RSPRY1: variants seen among roughly 807,000 people sequenced by gnomAD.
RSPRY1 encodes RING finger and SPRY domain-containing protein 1.
A neutral mutation model predicts 73.1 loss-of-function variants in RSPRY1; 23 were observed. The ratio of observed to expected loss-of-function variants is 0.31; its 90% CI spans 0.23 to 0.45. RSPRY1 has a LOEUF of 0.45. RSPRY1 is among the 20% of genes least tolerant of loss of function. The pLI is 1.00. For missense variants in RSPRY1, 448 were observed against 698.7 expected (o/e 0.64, Z 4.05); for synonymous variants, 226 against 251.4 (o/e 0.90, Z 0.95).
intron 10 of RSPRY1, among the ~76,000 whole-genome samples, chr16:57,225,275 G>T (rs2075103315): frequency 1.3e-5 from 2 of 152,170 alleles, no homozygotes; most frequent in Admixed American, 1.3e-4. Context: ...TGGCCAGGCT[G>T]GTCTCAAATG....
At chr16:57,232,194 T>C (rs1356942584) in intron 13 of RSPRY1, among the ~76,000 whole-genome samples, 6 of 152,162 alleles carry the variant, frequency 3.9e-5, no homozygotes, top group Non-Finnish European at 8.8e-5. Context: ...CCTGAAGATA[T>C]CTGTAACGTA....
intron 1 of RSPRY1, among the ~76,000 whole-genome samples, chr16:57,201,750 A>G (rs2074614876): frequency 6.6e-6 from 1 of 152,194 alleles, no homozygotes; most frequent in South Asian, 2.1e-4. Context: ...CGCGGTTAGG[A>G]GCTGGAGACC....
intron 1 of RSPRY1, among the ~76,000 whole-genome samples, chr16:57,199,415 G>T (rs1393049520): frequency 1.3e-5 from 2 of 152,042 alleles, no homozygotes; most frequent in African/African-American, 4.8e-5. Context: ...TCACTTGAAC[G>T]TGGGAGGCAG....
At chr16:57,223,091 T>G (rs1597912849) in intron 10 of RSPRY1, among the ~76,000 whole-genome samples, 1 of 152,220 alleles carries the variant, frequency 6.6e-6, no homozygotes, top group Admixed American at 6.5e-5. Context: ...TATTAGAAAT[T>G]GATAAAGTCT....
At chr16:57,197,692 T>A (rs2074475819) in intron 1 of RSPRY1, among the ~76,000 whole-genome samples, 1 of 152,150 alleles carries the variant, frequency 6.6e-6, no homozygotes, top group South Asian at 2.1e-4. Flanking sequence ...CTTACCTTCG[T>A]ATTTAGTCAG....
intron 7 of RSPRY1, 41 bp from the exon 8 acceptor site, chr16:57,216,863 C>T: frequency 6.3e-7 from 1 of 1,591,362 alleles, no homozygotes; most frequent in Non-Finnish European, 8.6e-7. Flanking sequence ...AATCATTCTA[C>T]CCTTTCATTG....
intron 1 of RSPRY1, among the ~76,000 whole-genome samples, chr16:57,191,223 C>G (rs1456751561): frequency 6.6e-6 from 1 of 152,192 alleles, no homozygotes; most frequent in Admixed American, 6.5e-5. Flanking sequence ...CAGTGATTCT[C>G]AAGATGTGGT....
intron 1 of RSPRY1, among the ~76,000 whole-genome samples, chr16:57,187,696 A>G (rs1458218168): frequency 6.6e-6 from 1 of 152,216 alleles, no homozygotes; most frequent in Non-Finnish European, 1.5e-5. Context: ...TGGGATTAAT[A>G]CAGTCGTTGT....
rs534483197 is a variant in RSPRY1 at position 57,213,255 on chromosome 16, G to T, written c.643+157G>T. 4.6e-5 allele frequency among the ~76,000 whole-genome samples: 7 copies of T among 152,210 alleles called. No individual in the cohort carries two copies. The South Asian group carries it at 6.2e-4, about 14-fold the overall frequency. ...CTAACTGGAAGAAAATTACTGAAAG[G>T]CTACAGAGGTGAATGCAATTTAATT... On this transcript the variant is annotated intron_variant, in intron 5 of 14. Transcript: ENST00000394420.
intron 11 of RSPRY1, 77 bp downstream of exon 11, chr16:57,227,530 C>A (rs2146351691): frequency 1.0e-6 from 1 of 996,576 alleles, no homozygotes; most frequent in East Asian, 2.4e-5. Flanking sequence ...TTACATTAAG[C>A]CTTAAAATGT....
At chr16:57,206,876 T>A (rs867946415) in intron 2 of RSPRY1, among the ~76,000 whole-genome samples, 1 of 152,336 alleles carries the variant, frequency 6.6e-6, no homozygotes, top group African/African-American at 2.4e-5. Context: ...CTTGCAATAT[T>A]TTAAAAGAGA....
Position 57,227,598 on chromosome 16 carries a change from A to G in RSPRY1, c.1273+145A>G, listed in dbSNP as rs1006211989. The G allele has an allele frequency of 4.8e-6, 3 of 629,264 alleles. No individual in the cohort carries two copies. The African/African-American group carries it at 5.4e-5, about 11-fold the overall frequency. 39.0% of individuals were successfully genotyped at this position (629,264 alleles called of 1,614,324 possible). A position where few individuals can be genotyped will look rare whatever the true frequency, so the allele number is the denominator to read the frequency against. On this transcript the variant is annotated intron_variant, in intron 11 of 14. Coordinates refer to ENST00000394420, the MANE Select transcript of RSPRY1 (RefSeq NM_133368.3). ...TAACTTTTGTGTCACTGCCAAGGAT[A>G]TAAATGGTATTCCTCTGATAAATTT... is the stretch of plus-strand genomic sequence containing the variant.
chr16:57,234,966 G>A (rs989946200), intron 13 of RSPRY1, among the ~76,000 whole-genome samples, 158 bp from the exon 14 acceptor site: 1 of 152,222 alleles, frequency 6.6e-6, no homozygotes, highest in Admixed American at 6.5e-5. Context: ...GAAAATGATT[G>A]TAGGATTGAA....
chr16:57,209,978 A>G (rs2074805011), intron 4 of RSPRY1, among the ~76,000 whole-genome samples: 1 of 151,638 alleles, frequency 6.6e-6, no homozygotes, highest in Non-Finnish European at 1.5e-5. Flanking sequence ...GCCCCGCCAC[A>G]TTCTCTATCA....
chr16:57,234,620 T>A (rs2075274919), intron 13 of RSPRY1, among the ~76,000 whole-genome samples: 1 of 152,250 alleles, frequency 6.6e-6, no homozygotes, highest in Non-Finnish European at 1.5e-5. Flanking sequence ...GTTTTGCCTG[T>A]CTGCTTCCAT....
chr16:57,195,462 A>G (rs546069335), intron 1 of RSPRY1, among the ~76,000 whole-genome samples: 2 of 152,302 alleles, frequency 1.3e-5, no homozygotes, highest in South Asian at 2.1e-4. Context: ...CAGTGAGCCA[A>G]GATCACACCA....
In RSPRY1 at chr16:57,211,067, C is replaced by T. The variant is rs141307153; in HGVS notation, c.516+1880C>T. On this transcript the variant is annotated intron_variant, in intron 4 of 14. Transcript: ENST00000394420. ...GCTAGAAGAGAATGTTGAGTTGCTT[C>T]GCTGATTTTCTTATCTTTCTCTAAG... Among the ~76,000 whole-genome samples, 1,098 of 152,228 alleles carry T rather than the reference C, an allele frequency of 7.2e-3. 12 individuals carry two copies. The highest frequency in any genetic ancestry group is 0.02 in the African/African-American group (845 of 41,546).
At chr16:57,203,453 A>G (rs2074663824) in intron 1 of RSPRY1, among the ~76,000 whole-genome samples, 1 of 152,188 alleles carries the variant, frequency 6.6e-6, no homozygotes, top group Non-Finnish European at 1.5e-5. Flanking sequence ...ACACACTAGC[A>G]TAGTCTATTC....
At chr16:57,221,247 T>A (rs1442360508) in intron 9 of RSPRY1, 25 bp from the exon 10 acceptor site, 2 of 1,612,582 alleles carry the variant, frequency 1.2e-6, no homozygotes, top group Non-Finnish European at 1.7e-6. Flanking sequence ...TCATAGTTGA[T>A]TGACACATTT....
Sources: allele counts gnomAD v4.1 joint callset (sites outside exome capture counted in the v4.1 genomes callset), GRCh38; gene constraint gnomAD v4.1.1; transcripts MANE v1.5; gene names NCBI Gene and HGNC (gene_info 2026-07-23, HGNC 2026-07-21).